The following CADM2 variants were observed in gnomAD, a reference collection of about 807,000 sequenced individuals.
The protein encoded by CADM2 is immunoglobulin superfamily member 4D.
Under a neutral mutation model 49.8 loss-of-function variants are expected in CADM2, and 12 were observed. The observed-to-expected ratio is 0.24, with a 90% CI of 0.15 to 0.39. The LOEUF (loss-of-function observed/expected upper bound fraction) is 0.39. Ranked by LOEUF, CADM2 falls within the 10% of genes least tolerant of loss-of-function variation. The pLI is 1.00. For missense variants in CADM2, 378 were observed against 492.3 expected, an observed-to-expected ratio of 0.77 and a Z score of 2.20; for synonymous variants, 214 against 175.4, an observed-to-expected ratio of 1.22 and a Z score of -1.74.
At chr3:86,025,412 A>T (rs1577988345) in intron 8 of CADM2, among the ~76,000 whole-genome samples, 2 of 151,172 alleles carry the variant, frequency 1.3e-5, no homozygotes, top group Non-Finnish European at 2.9e-5. Context: ...GGCTATGAAC[A>T]AAGTAAATAT....
rs1436606663 is a variant in CADM2 at position 86,068,919 on chromosome 3, A to T, written c.*2136A>T. The stretch of plus-strand genomic sequence containing the variant: ...AGTTTGAGAGAATCAGGTAGGTGCT[A>T]CTAGACACATTGAAACTAGAATAGG... On this transcript the variant is annotated 3_prime_UTR_variant, in exon 10 of 10. Coordinates refer to ENST00000383699, the MANE Select transcript of CADM2 (RefSeq NM_001167675.2). 6.6e-6 allele frequency: 1 copy of T among 152,376 alleles called. No homozygotes were observed. The highest frequency in any genetic ancestry group is 1.5e-5 in the Non-Finnish European group (1 of 67,854). The allele number at this position is 152,376 out of a possible 1,614,324, so 9.4% of individuals were successfully genotyped here.
At chr3:85,702,977 T>C (rs2066827985) in intron 1 of CADM2, among the ~76,000 whole-genome samples, 1 of 152,308 alleles carries the variant, frequency 6.6e-6, no homozygotes, top group African/African-American at 2.4e-5. Flanking sequence ...ATGTCAACTA[T>C]GAAACTAGGG....
intron 8 of CADM2, among the ~76,000 whole-genome samples, chr3:86,000,086 AT>A (rs774851547): frequency 1.3e-5 from 2 of 152,214 alleles, no homozygotes; most frequent in Non-Finnish European, 2.9e-5. Flanking sequence ...CCTTGAACAC[AT>A]GGCATCATTC....
intron 1 of CADM2, among the ~76,000 whole-genome samples, chr3:85,354,692 T>C (rs1205218756): frequency 7.0e-6 from 1 of 143,736 alleles, no homozygotes; most frequent in Non-Finnish European, 1.5e-5. Flanking sequence ...TTCTGTCAAC[T>C]GAAGAATGAA....
Position 85,726,525 on chromosome 3 carries a change from C to T in CADM2, c.65C>T (p.Ala22Val). The change falls in exon 2 of 10, where the codon GCT (alanine) becomes GTT (valine). Residue 22 changes from alanine to valine, a missense_variant. Physicochemically the swap from Ala to Val is moderately conservative, Grantham distance 64. Coordinates refer to ENST00000383699, the MANE Select transcript of CADM2 (RefSeq NM_001167675.2). ...YSVCGLLLQA[A>V]ASKNKVKGSQ... ...TGCAACCTTTCCTTGGTACCAGCGG[C>T]TGCTTCAAAGAATAAAGTTAAAGGT... 1.2e-6 allele frequency: 2 copies of T among 1,612,398 alleles called. No homozygotes were observed. The highest frequency in any genetic ancestry group is 2.2e-5 in the South Asian group (2 of 91,032).
intron 1 of CADM2, among the ~76,000 whole-genome samples, chr3:85,196,187 A>G (rs1334822243): frequency 1.3e-5 from 2 of 152,176 alleles, no homozygotes; most frequent in Admixed American, 6.6e-5. Flanking sequence ...AGCTCGTCTT[A>G]TGACAATTTG....
At chr3:85,682,667 A>G (rs1666015789) in intron 1 of CADM2, among the ~76,000 whole-genome samples, 1 of 152,074 alleles carries the variant, frequency 6.6e-6, no homozygotes, top group African/African-American at 2.4e-5. Context: ...AAATTTTTCT[A>G]GTTTGTATTT....
At chr3:85,745,350 T>G (rs1294603639) in intron 2 of CADM2, among the ~76,000 whole-genome samples, 1 of 152,194 alleles carries the variant, frequency 6.6e-6, no homozygotes, top group Non-Finnish European at 1.5e-5. Flanking sequence ...TTCCTGACTG[T>G]GTGTCTTCTT....
At chr3:85,117,448 G>T (rs1485199857) in intron 1 of CADM2, among the ~76,000 whole-genome samples, 2 of 151,974 alleles carry the variant, frequency 1.3e-5, no homozygotes, top group Non-Finnish European at 2.9e-5. Flanking sequence ...TGTAACTAAT[G>T]GCTTGAAAAG....
chr3:85,176,131 A>G (rs1021822829), intron 1 of CADM2, among the ~76,000 whole-genome samples: 1 of 152,034 alleles, frequency 6.6e-6, no homozygotes, highest in African/African-American at 2.4e-5. Flanking sequence ...AGTGTGGTCC[A>G]GGCCAATGTG....
intron 1 of CADM2, among the ~76,000 whole-genome samples, chr3:85,359,627 C>A (rs2032158801): frequency 1.6e-5 from 1 of 61,466 alleles, no homozygotes; most frequent in South Asian, 5.7e-4. Context: ...TTATTCCAGG[C>A]CAATGTCAGC....
chr3:85,886,156 T>C (rs374772183), intron 4 of CADM2, 34 bp from the exon 5 acceptor site: 25 of 1,608,582 alleles, frequency 1.6e-5, no homozygotes, highest in East Asian at 1.3e-4. Flanking sequence ...ACCCTGAAGA[T>C]TGATGCTCAC....
chr3:85,673,292 A>G (rs1262650741), intron 1 of CADM2, among the ~76,000 whole-genome samples: 1 of 152,136 alleles, frequency 6.6e-6, no homozygotes, highest in Non-Finnish European at 1.5e-5. Flanking sequence ...TGAGCCAACA[A>G]TATTCAGCTT....
At chr3:85,815,001 A>C (rs2073125610) in intron 3 of CADM2, among the ~76,000 whole-genome samples, 1 of 152,090 alleles carries the variant, frequency 6.6e-6, no homozygotes, top group South Asian at 2.1e-4. Flanking sequence ...CCTAGGAGAA[A>C]TCGATAAATT....
chr3:86,049,882 T>C (rs558795461), intron 8 of CADM2, among the ~76,000 whole-genome samples: 1 of 152,246 alleles, frequency 6.6e-6, no homozygotes, highest in Admixed American at 6.5e-5. Context: ...GGGGTTACAA[T>C]CCAACATGAA....
At chr3:85,399,137 T>C (rs2034953745) in intron 1 of CADM2, among the ~76,000 whole-genome samples, 1 of 152,170 alleles carries the variant, frequency 6.6e-6, no homozygotes, top group Admixed American at 6.5e-5. Context: ...TGGTTTTAGG[T>C]CTAACATTTA....
intron 1 of CADM2, among the ~76,000 whole-genome samples, chr3:85,055,105 A>G (rs2036031005): frequency 6.6e-6 from 1 of 151,890 alleles, no homozygotes; most frequent in Non-Finnish European, 1.5e-5. Flanking sequence ...ATGACCCCAC[A>G]GGGCCATCAT....
At chr3:85,232,568 G>A (rs2042318291) in intron 1 of CADM2, among the ~76,000 whole-genome samples, 1 of 152,018 alleles carries the variant, frequency 6.6e-6, no homozygotes, top group Non-Finnish European at 1.5e-5. Flanking sequence ...CACTTCAAAT[G>A]TAACAATAAG....
chr3:85,057,633 A>G (rs2036137241), intron 1 of CADM2, among the ~76,000 whole-genome samples: 1 of 152,140 alleles, frequency 6.6e-6, no homozygotes, highest in African/African-American at 2.4e-5. Flanking sequence ...TCCATACTTA[A>G]ATGTTCAAAG....
Sources: allele counts gnomAD v4.1 joint callset (sites outside exome capture counted in the v4.1 genomes callset), GRCh38; gene constraint gnomAD v4.1.1; transcripts MANE v1.5; gene names NCBI Gene and HGNC (gene_info 2026-07-23, HGNC 2026-07-21).